Variants in CDH4 observed in about 807,000 individuals in gnomAD.
CDH4 encodes cadherin 4.
A neutral mutation model predicts 86.0 loss-of-function variants in CDH4; 33 were observed. The observed-to-expected ratio is 0.38, with a 90% CI of 0.29 to 0.51. CDH4 has a LOEUF of 0.51. Ranked by LOEUF, CDH4 falls within the 20% of genes least tolerant of loss-of-function variation. The probability of loss-of-function intolerance (pLI) is 0.86; values close to 1 mark genes in which losing one functional copy is unlikely to be tolerated. For synonymous variants in CDH4, 555 were observed against 549.4 expected (o/e 1.01, Z -0.14); for missense variants, 1,114 against 1,307.4 (o/e 0.85, Z 2.28).
chr20:61,391,219 G>A (rs574136941), intron 2 of CDH4, among the ~76,000 whole-genome samples: 5 of 152,176 alleles, frequency 3.3e-5, no homozygotes, highest in East Asian at 3.9e-4. Context: ...GCCCAGGAAC[G>A]CAATAATTTA....
chr20:61,460,617 C>T (rs368959246), intron 2 of CDH4, among the ~76,000 whole-genome samples: 123 of 152,306 alleles, frequency 8.1e-4, no homozygotes, highest in Non-Finnish European at 1.1e-3. Flanking sequence ...CAGGTATGCA[C>T]GGAGGCGTCC....
At chr20:61,732,442 C>A (rs1412947896) in intron 2 of CDH4, among the ~76,000 whole-genome samples, 1 of 152,154 alleles carries the variant, frequency 6.6e-6, no homozygotes, top group Non-Finnish European at 1.5e-5. Flanking sequence ...TCCCTCCCTG[C>A]CTCCTCCTCG....
intron 4 of CDH4, among the ~76,000 whole-genome samples, chr20:61,819,934 C>T (rs911480561): frequency 4.6e-5 from 7 of 152,190 alleles, no homozygotes; most frequent in South Asian, 2.1e-4. Context: ...TCTGATCCCG[C>T]GACCTTGAGC....
chr20:61,928,173 CTG>C lies in CDH4; in HGVS notation c.1772-13_1772-12del. The stretch of plus-strand genomic sequence containing the variant: ...TACCAGGAGTGGCCCGTGTGGTGAC[CTG>C]TGTCTGTTCCACAGGGATACCCCCG... On this transcript the variant is annotated splice_polypyrimidine_tract_variant and intron_variant, in intron 11 of 15. Transcript: ENST00000614565. The C allele has an allele frequency of 6.3e-7, 1 of 1,591,860 alleles. No individual in the cohort carries two copies. Among genetic ancestry groups the C allele is most frequent in the Non-Finnish European group, 8.5e-7 (1 of 1,173,204 alleles).
At chr20:61,427,289 T>C (rs1010997015) in intron 2 of CDH4, among the ~76,000 whole-genome samples, 4 of 152,162 alleles carry the variant, frequency 2.6e-5, no homozygotes, top group African/African-American at 4.8e-5. Context: ...GCCTGCCTGA[T>C]TGGGAACCCC....
chr20:61,924,345 T>C lies in CDH4; in HGVS notation c.1640T>C (p.Leu547Pro). 6.3e-7 allele frequency: 1 copy of C among 1,594,448 alleles called. No homozygotes were observed. Among genetic ancestry groups the C allele is most frequent in the Non-Finnish European group, 8.6e-7 (1 of 1,168,714 alleles). Residue 547 changes from leucine (L) to proline (P), a missense_variant, in exon 11 of 16, where the codon CTG (leucine) becomes CCG (proline). Coordinates refer to ENST00000614565, the MANE Select transcript of CDH4 (RefSeq NM_001794.5). The stretch of plus-strand genomic sequence containing the variant: ...TGTGGTCTCCGCAGATACTCAAAGC[T>C]GTCAGACCCAGCGAGCTGGCTGCAC... ...FMQQAVRYSK[L>P]SDPASWLHIN...
At chr20:61,511,284 T>G (rs1388721706) in intron 2 of CDH4, among the ~76,000 whole-genome samples, 2 of 152,144 alleles carry the variant, frequency 1.3e-5, no homozygotes, top group Non-Finnish European at 2.9e-5. Context: ...CCACCAGAAA[T>G]CCACATTTAG....
In CDH4 at chr20:61,910,404, T is replaced by C; in HGVS notation, c.1189-18T>C. 6.2e-7 allele frequency: 1 copy of C among 1,609,302 alleles called. No homozygotes were observed. Among genetic ancestry groups the C allele is most frequent in the Non-Finnish European group, 8.5e-7 (1 of 1,176,104 alleles). ...CACTTAACACGGGTTTGTGACATTC[T>C]TTCCTTCCATTTTGCAGTTTGCAGG... On this transcript the variant is annotated intron_variant, in intron 8 of 15. Transcript: ENST00000614565.
chr20:61,586,043 G>A (rs2086470808), intron 2 of CDH4, among the ~76,000 whole-genome samples: 2 of 142,544 alleles, frequency 1.4e-5, no homozygotes. Flanking sequence ...ATGTGGTGAT[G>A]AGGAGGATGA....
At chr20:61,559,332 A>G (rs1397188206) in intron 2 of CDH4, among the ~76,000 whole-genome samples, 1 of 151,858 alleles carries the variant, frequency 6.6e-6, no homozygotes, top group Non-Finnish European at 1.5e-5. Flanking sequence ...AGAAGAAAAA[A>G]ATTTTTAAAA....
chr20:61,881,475 C>T (rs1338992412), intron 7 of CDH4, among the ~76,000 whole-genome samples: 1 of 152,242 alleles, frequency 6.6e-6, no homozygotes, highest in African/African-American at 2.4e-5. Context: ...ACAACATGAA[C>T]CGTGGCCAGG....
At chr20:61,477,050 G>A (rs369372539) in intron 2 of CDH4, among the ~76,000 whole-genome samples, 89 of 152,344 alleles carry the variant, frequency 5.8e-4, no homozygotes, top group African/African-American at 1.9e-3. Flanking sequence ...CAGGGGCCGG[G>A]GCTGCCTGCA....
At position 61,399,278 on chromosome 20, in the gene CDH4, G is replaced by A. The variant is rs1314968019; in HGVS notation, c.169+144341G>A. Reference sequence around the variant, plus strand: ...CTCCCGAGTAGCTGGGACTACAGGCGCCCGCCACCATGCCCGGCTAATTTT... The same window carrying A: ...CTCCCGAGTAGCTGGGACTACAGGCACCCGCCACCATGCCCGGCTAATTTT... On this transcript the variant is annotated intron_variant, in intron 2 of 15. Transcript: ENST00000614565. Among the ~76,000 whole-genome samples the A allele has an allele frequency of 5.6e-5, 6 of 107,630 alleles. 2 individuals carry two copies. The highest frequency in any genetic ancestry group is 2.9e-4 in the East Asian group (1 of 3,442). The allele number at this position is 107,630 out of a possible 152,430, so 70.6% of individuals were successfully genotyped here.
intron 4 of CDH4, among the ~76,000 whole-genome samples, chr20:61,828,442 G>A (rs1237136395): frequency 6.6e-6 from 1 of 152,216 alleles, no homozygotes; most frequent in East Asian, 1.9e-4. Context: ...GGAAACTGTA[G>A]GACCAACGAT....
intron 5 of CDH4, among the ~76,000 whole-genome samples, chr20:61,849,260 A>C (rs982988811): frequency 6.6e-6 from 1 of 151,926 alleles, no homozygotes; most frequent in Non-Finnish European, 1.5e-5. Context: ...CACACTCCTC[A>C]TCAGACTCCA....
chr20:61,825,865 G>C (rs1981286628), intron 4 of CDH4, among the ~76,000 whole-genome samples: 1 of 152,138 alleles, frequency 6.6e-6, no homozygotes, highest in Non-Finnish European at 1.5e-5. Context: ...CTGCCCTCCT[G>C]CTGCTCTACT....
At chr20:61,400,493 C>T (rs1200090710) in intron 2 of CDH4, among the ~76,000 whole-genome samples, 1 of 152,208 alleles carries the variant, frequency 6.6e-6, no homozygotes, top group Non-Finnish European at 1.5e-5. Flanking sequence ...TGATAAGAGA[C>T]ATCCCCTAAA....
At chr20:61,925,856 A>C (rs1200136788) in intron 11 of CDH4, among the ~76,000 whole-genome samples, 1 of 152,120 alleles carries the variant, frequency 6.6e-6, no homozygotes, top group Non-Finnish European at 1.5e-5. Flanking sequence ...CAGGGAGGGC[A>C]CGGGCACACG....
At chr20:61,813,261 G>A (rs1980531098) in intron 4 of CDH4, among the ~76,000 whole-genome samples, 1 of 152,132 alleles carries the variant, frequency 6.6e-6, no homozygotes. Flanking sequence ...TTCGGGCCGG[G>A]ATCTCCCCCA....
Sources: allele counts gnomAD v4.1 joint callset (sites outside exome capture counted in the v4.1 genomes callset), GRCh38; gene constraint gnomAD v4.1.1; transcripts MANE v1.5; gene names NCBI Gene and HGNC (gene_info 2026-07-23, HGNC 2026-07-21).